SVEP1: variants seen among roughly 807,000 people sequenced by gnomAD.
SVEP1 encodes sushi, von Willebrand factor type A, EGF and pentraxin domain containing 1, also known as sushi, von Willebrand factor type A, EGF and pentraxin domain-containing protein 1.
SVEP1 carries 164 observed loss-of-function variants against 367.3 expected under a neutral mutation model. That is an observed-to-expected ratio of 0.45 (90% CI 0.39 to 0.51). The LOEUF is 0.51. Among genes scored for constraint, SVEP1 ranks in the 20% least tolerant of loss-of-function variants. SVEP1 has a pLI of 0.00. For synonymous variants in SVEP1, 1,666 were observed against 1,611.6 expected (o/e 1.03, Z -0.81); for missense variants, 4,117 against 4,425.3 (o/e 0.93, Z 1.98).
intron 14 of SVEP1, among the ~76,000 whole-genome samples, chr9:110,472,802 G>T (rs1195473616): frequency 6.6e-6 from 1 of 152,032 alleles, no homozygotes; most frequent in African/African-American, 2.4e-5. Flanking sequence ...TAAAGGTAAG[G>T]GTAGTTTTCA....
intron 37 of SVEP1, among the ~76,000 whole-genome samples, chr9:110,409,662 A>G (rs1828014834): frequency 6.6e-6 from 1 of 152,336 alleles, no homozygotes; most frequent in Admixed American, 6.5e-5. Flanking sequence ...ATGTTGTTAG[A>G]TCATAAATAG....
chr9:110,384,946 C>A (rs1827498341), intron 43 of SVEP1, among the ~76,000 whole-genome samples: 1 of 152,096 alleles, frequency 6.6e-6, no homozygotes, highest in Non-Finnish European at 1.5e-5. Flanking sequence ...AACAAATGAG[C>A]CTGGAGGGCA....
intron 5 of SVEP1, among the ~76,000 whole-genome samples, chr9:110,512,213 C>T (rs1195146251): frequency 1.3e-5 from 2 of 152,128 alleles, no homozygotes; most frequent in African/African-American, 4.8e-5. Context: ...TGGAGGTCCT[C>T]AAGTCCCTTT....
At chr9:110,397,344 CAAAAT>C (rs1333656897) in intron 40 of SVEP1, among the ~76,000 whole-genome samples, 1 of 152,230 alleles carries the variant, frequency 6.6e-6, no homozygotes, top group African/African-American at 2.4e-5. Context: ...GGACGTATCT[CAAAAT>C]AATAAGAGCT....
At chr9:110,430,837 A>C (rs1023340577) in intron 32 of SVEP1, among the ~76,000 whole-genome samples, 1 of 152,200 alleles carries the variant, frequency 6.6e-6, no homozygotes, top group Non-Finnish European at 1.5e-5. Context: ...GGAAAGGCTG[A>C]ATAAAGCAGA....
intron 6 of SVEP1, among the ~76,000 whole-genome samples, chr9:110,499,891 T>C (rs754840967): frequency 6.6e-6 from 1 of 152,224 alleles, no homozygotes; most frequent in Non-Finnish European, 1.5e-5. Flanking sequence ...ACTGGCAGCA[T>C]TACTCACATT....
Position 110,579,137 on chromosome 9 carries a change from C to T in SVEP1, c.407G>A (p.Arg136His), listed in dbSNP as rs920038462. 6.4e-7 allele frequency: 1 copy of T among 1,556,016 alleles called. No individual in the cohort carries two copies. The highest frequency in any genetic ancestry group is 8.7e-7 in the Non-Finnish European group (1 of 1,150,434). Residue 136 changes from arginine to histidine, a missense_variant, in exon 1 of 48, where the codon CGC becomes CAC. Coordinates refer to ENST00000374469, the MANE Select transcript of SVEP1 (RefSeq NM_153366.4). The surrounding 1 kb of genome is among the most constrained non-coding windows in gnomAD (Gnocchi z 5.3). The part of the protein sequence containing the change: ...TFSSKNYVVP[R>H]VDYISTRRAR... ...GCGGCGGGTGGAGATGTAATCGACGCGCGGCACCACGTAGTTCTTGGACGA... is the reference window on the plus strand; with the variant it reads ...GCGGCGGGTGGAGATGTAATCGACGTGCGGCACCACGTAGTTCTTGGACGA...
At chr9:110,482,189 A>G (rs1414507010) in intron 11 of SVEP1, among the ~76,000 whole-genome samples, 172 bp downstream of exon 11, 1 of 152,248 alleles carries the variant, frequency 6.6e-6, no homozygotes, top group African/African-American at 2.4e-5. Flanking sequence ...GAAAACATTT[A>G]TATCTATCAC....
intron 8 of SVEP1, among the ~76,000 whole-genome samples, 192 bp downstream of exon 8, chr9:110,496,623 C>T (rs1362224476): frequency 6.6e-6 from 1 of 152,186 alleles, no homozygotes; most frequent in Non-Finnish European, 1.5e-5. Context: ...TGGAACTTCA[C>T]CTTGTGATGG....
chr9:110,545,269 T>G (rs1588102106), intron 3 of SVEP1, among the ~76,000 whole-genome samples: 2 of 152,206 alleles, frequency 1.3e-5, no homozygotes, highest in East Asian at 3.8e-4. Context: ...TTCCTTTCCT[T>G]TGAATATCTG....
At chr9:110,559,381 A>G (rs1336655071) in intron 1 of SVEP1, among the ~76,000 whole-genome samples, 1 of 152,088 alleles carries the variant, frequency 6.6e-6, no homozygotes, top group Non-Finnish European at 1.5e-5. Context: ...GAGAAAAGAG[A>G]AAAAATAACA....
intron 18 of SVEP1, among the ~76,000 whole-genome samples, chr9:110,460,957 C>G (rs1828849450): frequency 6.6e-6 from 1 of 152,072 alleles, no homozygotes; most frequent in Non-Finnish European, 1.5e-5. Flanking sequence ...TGCTACTGGG[C>G]TTTGAATTGA....
At chr9:110,520,582 G>C (rs1829863886) in intron 3 of SVEP1, among the ~76,000 whole-genome samples, 1 of 152,014 alleles carries the variant, frequency 6.6e-6, no homozygotes. Flanking sequence ...GCAATTCTTT[G>C]ACTGAAGTAA....
chr9:110,386,195 A>G, intron 42 of SVEP1, 121 bp from the exon 43 acceptor site: 1 of 1,060,312 alleles, frequency 9.4e-7, no homozygotes, highest in Non-Finnish European at 1.3e-6. Context: ...ATAAGGTTTA[A>G]AAATATGGAA....
chr9:110,489,929 A>T (rs1441546708), intron 8 of SVEP1, 150 bp from the exon 9 acceptor site: 2 of 1,018,322 alleles, frequency 2.0e-6, no homozygotes, highest in African/African-American at 3.3e-5. Flanking sequence ...ATTTCTTTCC[A>T]GATTATTCTA....
chr9:110,502,789 G>T (rs77133716), intron 6 of SVEP1, among the ~76,000 whole-genome samples: 5,920 of 152,206 alleles, frequency 0.039, 166 homozygotes, highest in Non-Finnish European at 0.055. Flanking sequence ...AAGAAAAAAG[G>T]CATGGTCATT....
intron 43 of SVEP1, among the ~76,000 whole-genome samples, chr9:110,382,214 T>C (rs951521516): frequency 1.3e-5 from 2 of 152,206 alleles, no homozygotes; most frequent in Non-Finnish European, 2.9e-5. Flanking sequence ...TAGCGGCTGG[T>C]AACAATTCTT....
At chr9:110,402,472 A>T (rs1238911791) in intron 39 of SVEP1, among the ~76,000 whole-genome samples, 1 of 152,170 alleles carries the variant, frequency 6.6e-6, no homozygotes, top group African/African-American at 2.4e-5. Context: ...ACACCTTAAA[A>T]AGGGTCTATT....
intron 36 of SVEP1, among the ~76,000 whole-genome samples, chr9:110,412,048 G>C (rs1307143704): frequency 6.6e-6 from 1 of 152,104 alleles, no homozygotes; most frequent in Non-Finnish European, 1.5e-5. Flanking sequence ...AATACATTGT[G>C]ATATTAATAT....
Sources: gnomAD v4.1 joint callset for allele counts (sites outside exome capture counted in the v4.1 genomes callset) on GRCh38, gnomAD v4.1.1 for gene constraint, Gnocchi (gnomAD v3.1) non-coding constraint, MANE v1.5 for transcripts, NCBI Gene and HGNC (gene_info 2026-07-23, HGNC 2026-07-21) for gene names.